The following KCNIP4 variants were observed in gnomAD, a reference collection of about 807,000 sequenced individuals.
The protein encoded by KCNIP4 is Kv channel-interacting protein 4.
KCNIP4 carries 12 observed loss-of-function variants against 34.0 expected under a neutral mutation model. That is an observed-to-expected ratio of 0.35 (90% CI 0.23 to 0.57). The LOEUF (loss-of-function observed/expected upper bound fraction) is 0.57. Among genes scored for constraint, KCNIP4 ranks in the 20% least tolerant of loss-of-function variants. KCNIP4 has a pLI of 0.83. For missense variants in KCNIP4, 238 were observed against 311.7 expected, an observed-to-expected ratio of 0.76 and a Z score of 1.78; for synonymous variants, 124 against 102.2, an observed-to-expected ratio of 1.21 and a Z score of -1.29.
In KCNIP4 at chr4:21,310,463, A is replaced by G. The variant is rs371709769; in HGVS notation, c.62-427754T>C. The stretch of plus-strand genomic sequence containing the variant: ...ATCTCCTATTCTGGTGCGCAAAATC[A>G]GCATCAGTGACCTGCCTTTAACTTC... On this transcript the variant is annotated intron_variant, in intron 1 of 8. Coordinates refer to ENST00000382152, the MANE Select transcript of KCNIP4 (RefSeq NM_025221.6). Among the ~76,000 whole-genome samples, 46 of 152,290 alleles carry G rather than the reference A, an allele frequency of 3.0e-4. 1 individual carries two copies. In the South Asian group the frequency reaches 8.9e-3, roughly 29 times the overall value.
intron 1 of KCNIP4, among the ~76,000 whole-genome samples, chr4:21,282,170 G>A (rs1337621121): frequency 2.6e-5 from 4 of 152,128 alleles, no homozygotes; most frequent in African/African-American, 4.8e-5. Context: ...AGTTAGTCAC[G>A]TAGCTACCTG....
At chr4:20,822,101 A>G (rs1717180088) in intron 3 of KCNIP4, among the ~76,000 whole-genome samples, 1 of 152,188 alleles carries the variant, frequency 6.6e-6, no homozygotes, top group African/African-American at 2.4e-5. Context: ...TACACAGCAA[A>G]AGAAATTATC....
intron 1 of KCNIP4, among the ~76,000 whole-genome samples, chr4:21,655,088 GA>G (rs1747817148): frequency 6.6e-6 from 1 of 152,104 alleles, no homozygotes; most frequent in East Asian, 1.9e-4. Context: ...CCAATAAAAC[GA>G]AAGACCCAGG....
At position 20,730,094 on chromosome 4, in the gene KCNIP4, T is replaced by G. The variant is rs1247344088; in HGVS notation, c.741A>C (p.Glu247Asp). 1 of 1,609,008 alleles carries G rather than the reference T, an allele frequency of 6.2e-7. No individual in the cohort carries two copies. Among genetic ancestry groups the G allele is most frequent in the Non-Finnish European group, 8.5e-7 (1 of 1,178,322 alleles). Residue 247 changes from glutamate to aspartate, a missense_variant, in exon 9 of 9, where the codon GAA (glutamate) becomes GAC (aspartate). Physicochemically the swap from Glu to Asp is conservative, Grantham distance 45 (BLOSUM62 2). Coordinates refer to ENST00000382152, the MANE Select transcript of KCNIP4 (RefSeq NM_025221.6). ...TCTATTTGACAAGTTAAATCACATT[T>G]TCAAAGAGCTGCATGGAGCGCATTA... ...ENIMRSMQLF[E>D]NVI
chr4:21,303,283 A>C (rs955136695), intron 1 of KCNIP4, among the ~76,000 whole-genome samples: 4 of 152,212 alleles, frequency 2.6e-5, no homozygotes, highest in Admixed American at 6.5e-5. Flanking sequence ...CTCTGTTAGC[A>C]TGTAAAATAG....
intron 1 of KCNIP4, among the ~76,000 whole-genome samples, chr4:21,231,208 G>A (rs1388215923): frequency 1.3e-5 from 2 of 151,960 alleles, no homozygotes; most frequent in Non-Finnish European, 1.5e-5. Context: ...ACAAATTGGA[G>A]GCATGCCAAA....
At chr4:20,899,617 A>T (rs187845752) in intron 1 of KCNIP4, among the ~76,000 whole-genome samples, 1 of 152,234 alleles carries the variant, frequency 6.6e-6, no homozygotes, top group African/African-American at 2.4e-5. Flanking sequence ...CCCTATAAAT[A>T]ATCAAGTCTT....
intron 3 of KCNIP4, among the ~76,000 whole-genome samples, chr4:20,839,088 A>G (rs1343880985): frequency 6.6e-6 from 1 of 152,140 alleles, no homozygotes; most frequent in African/African-American, 2.4e-5. Flanking sequence ...CTATTTTCAG[A>G]TTTGTCCTCT....
intron 1 of KCNIP4, among the ~76,000 whole-genome samples, chr4:21,159,545 C>A (rs1753421808): frequency 2.4e-5 from 1 of 40,978 alleles, no homozygotes; most frequent in East Asian, 4.8e-4. Context: ...AGTGTGTGTG[C>A]GCACCGTGCG....
At chr4:21,071,798 C>T (rs936180063) in intron 1 of KCNIP4, among the ~76,000 whole-genome samples, 10 of 152,122 alleles carry the variant, frequency 6.6e-5, no homozygotes, top group Non-Finnish European at 1.5e-5. Flanking sequence ...GTCCCTCCCC[C>T]TACCCCACAA....
intron 3 of KCNIP4, among the ~76,000 whole-genome samples, chr4:20,771,354 T>G (rs1045632127): frequency 3.3e-5 from 5 of 152,210 alleles, no homozygotes; most frequent in African/African-American, 1.2e-4. Flanking sequence ...CTGGACTCCT[T>G]ATGTGAGATT....
chr4:21,248,103 C>T (rs1282258885), intron 1 of KCNIP4, among the ~76,000 whole-genome samples: 1 of 150,062 alleles, frequency 6.7e-6, no homozygotes, highest in African/African-American at 2.5e-5. Context: ...AGTACACATG[C>T]AATAATATAA....
chr4:21,043,176 C>T (rs1403342237), intron 1 of KCNIP4, among the ~76,000 whole-genome samples: 1 of 152,146 alleles, frequency 6.6e-6, no homozygotes, highest in East Asian at 1.9e-4. Flanking sequence ...GTTCTCTTGA[C>T]CTGTGACAAC....
chr4:21,422,201 T>C (rs1368774584), intron 1 of KCNIP4, among the ~76,000 whole-genome samples: 1 of 151,476 alleles, frequency 6.6e-6, no homozygotes, highest in Non-Finnish European at 1.5e-5. Flanking sequence ...GCCTACTTTT[T>C]TTTTTTTTTT....
intron 3 of KCNIP4, among the ~76,000 whole-genome samples, chr4:20,780,736 G>A (rs968770140): frequency 6.6e-6 from 1 of 152,156 alleles, no homozygotes; most frequent in Admixed American, 6.5e-5. Flanking sequence ...GGAGTTATTA[G>A]CACGGAGAAA....
intron 1 of KCNIP4, among the ~76,000 whole-genome samples, chr4:21,127,332 T>C (rs1750704891): frequency 6.6e-6 from 1 of 152,218 alleles, no homozygotes; most frequent in African/African-American, 2.4e-5. Flanking sequence ...AACTCCCTAA[T>C]ACATCACTTG....
At chr4:21,443,432 C>T (rs201923800) in intron 1 of KCNIP4, among the ~76,000 whole-genome samples, 39 of 152,270 alleles carry the variant, frequency 2.6e-4, no homozygotes, top group Admixed American at 2.0e-3. Context: ...GCAATGTCTT[C>T]ACAGCCTAGA....
intron 3 of KCNIP4, among the ~76,000 whole-genome samples, chr4:20,764,399 T>C (rs1755209741): frequency 6.6e-6 from 1 of 152,128 alleles, no homozygotes; most frequent in Non-Finnish European, 1.5e-5. Context: ...GAACTTACCA[T>C]ACTGTTGCAT....
intron 1 of KCNIP4, among the ~76,000 whole-genome samples, chr4:21,041,230 T>TCACA (rs57664737): frequency 0.032 from 4,636 of 144,704 alleles, 85 homozygotes; most frequent in Non-Finnish European, 0.035. Flanking sequence ...GATATATATT[T>TCACA]CACACACACA....
Sources: allele counts gnomAD v4.1 joint callset (sites outside exome capture counted in the v4.1 genomes callset), GRCh38; gene constraint gnomAD v4.1.1; transcripts MANE v1.5; gene names NCBI Gene and HGNC (gene_info 2026-07-23, HGNC 2026-07-21).